The following SLC16A1 variants were observed in gnomAD, a reference collection of about 807,000 sequenced individuals.
SLC16A1 encodes the protein solute carrier family 16 member 1, also known as monocarboxylate transporter 1.
In SLC16A1, 11 loss-of-function variants were observed where a neutral mutation model predicts 32.2. The observed-to-expected ratio is 0.34, with a 90% CI of 0.21 to 0.56. The LOEUF (loss-of-function observed/expected upper bound fraction) is 0.56, where lower values mean the gene tolerates loss of function less well. SLC16A1 is among the 20% of genes least tolerant of loss of function. The probability of loss-of-function intolerance (pLI) is 0.87; values close to 1 mark genes in which losing one functional copy is unlikely to be tolerated. For missense variants in SLC16A1, 435 were observed against 615.0 expected (o/e 0.71, Z 3.10); for synonymous variants, 231 against 226.8 (o/e 1.02, Z -0.17).
rs1285038889 is a variant in SLC16A1, at chr1:112,914,039, T to C, written c.1355A>G (p.Gln452Arg). 1 of 1,614,242 alleles carries C rather than the reference T, an allele frequency of 6.2e-7. No homozygotes were observed. The highest frequency in any genetic ancestry group is 1.7e-5 in the Admixed American group (1 of 60,026). ...TTCCTTTTTCTGCTCGTTTGCTTTC[T>C]GTTCTTTTGCCAAAAGTCGATAATT... is the stretch of plus-strand genomic sequence containing the variant. ...GINYRLLAKE[Q>R]KANEQKKESK... The change falls in exon 5 of 5, where the codon CAG becomes CGG. Residue 452 changes from glutamine (Q) to arginine (R), a missense_variant. Around this residue, in one of 2 missense-constraint regions of SLC16A1, gnomAD observed 111 missense variants for 114.7 expected, o/e 0.97. Coordinates refer to ENST00000369626, the MANE Select transcript of SLC16A1 (RefSeq NM_003051.4).
intron 1 of SLC16A1, among the ~76,000 whole-genome samples, chr1:112,952,590 T>C (rs896437105): frequency 3.3e-5 from 5 of 152,200 alleles, no homozygotes; most frequent in African/African-American, 9.7e-5. Context: ...CTTTCAGATA[T>C]CTATATTGAA....
At chr1:112,918,202 G>C (rs1187711643) in intron 3 of SLC16A1, among the ~76,000 whole-genome samples, 158 bp from the exon 4 acceptor site, 1 of 152,178 alleles carries the variant, frequency 6.6e-6, no homozygotes, top group African/African-American at 2.4e-5. Context: ...ACAGACATGG[G>C]TTCAAATCTC....
intron 1 of SLC16A1, among the ~76,000 whole-genome samples, chr1:112,949,300 C>T (rs1205935520): frequency 1.3e-5 from 2 of 152,098 alleles, no homozygotes; most frequent in Non-Finnish European, 2.9e-5. Flanking sequence ...CCACTCACCT[C>T]GGCCTCCCAA....
At chr1:112,945,426 G>A (rs939240031) in intron 1 of SLC16A1, among the ~76,000 whole-genome samples, 2 of 152,180 alleles carry the variant, frequency 1.3e-5, no homozygotes, top group African/African-American at 2.4e-5. Context: ...TGTAATCCCA[G>A]CACTTTGTGA....
intron 1 of SLC16A1, among the ~76,000 whole-genome samples, chr1:112,952,299 T>A (rs766084215): frequency 1.2e-4 from 19 of 152,338 alleles, no homozygotes; most frequent in Non-Finnish European, 1.8e-4. Flanking sequence ...GTTTTTCAAT[T>A]GCCATTGAAA....
chr1:112,921,953 T>C (rs748075698), intron 3 of SLC16A1, 37 bp downstream of exon 3: 1 of 1,612,686 alleles, frequency 6.2e-7, no homozygotes, highest in East Asian at 2.2e-5. Context: ...TAGCCAGCCA[T>C]AAACTAATGC....
intron 4 of SLC16A1, among the ~76,000 whole-genome samples, chr1:112,915,169 A>G (rs1648457202): frequency 6.6e-6 from 1 of 152,242 alleles, no homozygotes; most frequent in Non-Finnish European, 1.5e-5. Context: ...GAGGATCCAC[A>G]GTTCAGTGGA....
intron 2 of SLC16A1, chr1:112,924,185 T>G (rs980919345): frequency 6.6e-7 from 1 of 1,505,520 alleles, no homozygotes. Flanking sequence ...AGCTGCAGGG[T>G]GCCCACGGGG....
At chr1:112,946,464 G>GA (rs112881904) in intron 1 of SLC16A1, among the ~76,000 whole-genome samples, 3,805 of 151,014 alleles carry the variant, frequency 0.025, 165 homozygotes, top group African/African-American at 0.087. Context: ...TATGAAACCA[G>GA]AAAAAAAAAC....
At chr1:112,931,105 T>C (rs1649113313) in intron 1 of SLC16A1, among the ~76,000 whole-genome samples, 1 of 152,170 alleles carries the variant, frequency 6.6e-6, no homozygotes, top group Non-Finnish European at 1.5e-5. Context: ...TTCTCTTATT[T>C]ATGGCTGACT....
chr1:112,924,325 G>A lies in SLC16A1; in HGVS notation c.218-2192C>T, dbSNP rs1033513780. On this transcript the variant is annotated intron_variant, in intron 2 of 4. Coordinates refer to ENST00000369626, the MANE Select transcript of SLC16A1 (RefSeq NM_003051.4). ...GCCTGGCAATTGGTTGCTCACGAAT[G>A]TCCCAACTACTTCCACTAGGCCCAT... is the stretch of plus-strand genomic sequence containing the variant. 3.7e-6 allele frequency: 5 copies of A among 1,352,886 alleles called. No individual in the cohort carries two copies. In the African/African-American group the frequency reaches 5.7e-5, roughly 16 times the overall value. The allele number at this position is 1,352,886 out of a possible 1,614,324, so 83.8% of individuals were successfully genotyped here.
At chr1:112,920,586 T>C (rs1648688137) in intron 3 of SLC16A1, among the ~76,000 whole-genome samples, 2 of 151,644 alleles carry the variant, frequency 1.3e-5, no homozygotes, top group Admixed American at 1.3e-4. Context: ...AGCCTGGCAG[T>C]GAGAGTGAAA....
chr1:112,936,428 ACT>A (rs1422929880), intron 1 of SLC16A1, among the ~76,000 whole-genome samples: 1 of 133,218 alleles, frequency 7.5e-6, no homozygotes, highest in Non-Finnish European at 1.5e-5. Flanking sequence ...GAATTGCTTG[ACT>A]CTGGGAGACA....
chr1:112,930,454 A>AT (rs773324848), intron 1 of SLC16A1, among the ~76,000 whole-genome samples: 1 of 151,972 alleles, frequency 6.6e-6, no homozygotes, highest in Admixed American at 6.6e-5. Flanking sequence ...GAGTAAATGA[A>AT]TTTTTTTTAA....
chr1:112,913,959 TG>T lies in SLC16A1; in HGVS notation c.1434del (p.Ala480GlnfsTer34), dbSNP rs1198189006. ...TTCTGGTCCGGAGATTCTGCTGCTT[TG>T]GTAACTTCATTTGGCTTCCCAGCAA... ...IDVAGKPNEV[T>X]KAAESPDQKD... On this transcript the variant is annotated frameshift_variant, in exon 5 of 5. Coordinates refer to ENST00000369626, the MANE Select transcript of SLC16A1 (RefSeq NM_003051.4). LOFTEE classifies it high-confidence loss of function. The T allele has an allele frequency of 6.2e-7, 1 of 1,614,178 alleles. No homozygotes were observed. The highest frequency in any genetic ancestry group is 1.1e-5 in the South Asian group (1 of 91,084).
intron 2 of SLC16A1, chr1:112,922,469 C>T (rs776681577): frequency 3.5e-5 from 12 of 341,706 alleles, no homozygotes; most frequent in Admixed American, 8.7e-5. Context: ...ATCTAGGATA[C>T]GATTAACATG....
intron 1 of SLC16A1, among the ~76,000 whole-genome samples, chr1:112,939,495 C>T (rs1310910806): frequency 5.3e-5 from 8 of 152,236 alleles, no homozygotes; most frequent in Admixed American, 2.0e-4. Context: ...TGTCCATCTA[C>T]GGAGGAACAG....
At chr1:112,948,236 GA>G (rs907732502) in intron 1 of SLC16A1, among the ~76,000 whole-genome samples, 26 of 145,908 alleles carry the variant, frequency 1.8e-4, no homozygotes, top group South Asian at 4.3e-4. Flanking sequence ...CGGCGGGGGA[GA>G]AAAAAAAAAG....
At chr1:112,940,261 C>T (rs374019530) in intron 1 of SLC16A1, among the ~76,000 whole-genome samples, 30 of 151,984 alleles carry the variant, frequency 2.0e-4, no homozygotes, top group East Asian at 1.9e-3. Flanking sequence ...TGGTCTTGAA[C>T]GCCTGGGCTG....
Sources: gnomAD v4.1 joint callset for allele counts (sites outside exome capture counted in the v4.1 genomes callset) on GRCh38, gnomAD v4.1.1 for gene constraint, gnomAD v4.1.1 regional missense constraint, MANE v1.5 for transcripts, NCBI Gene and HGNC (gene_info 2026-07-23, HGNC 2026-07-21) for gene names.